Variants in ZFHX3 observed in about 807,000 individuals in gnomAD.
ZFHX3 encodes zinc finger homeobox protein 3.
A neutral mutation model predicts 279.1 loss-of-function variants in ZFHX3; 42 were observed. The ratio of observed to expected loss-of-function variants is 0.15; its 90% CI spans 0.12 to 0.19. The LOEUF is 0.19. ZFHX3 is among the 10% of genes least tolerant of loss of function. The pLI, the probability that ZFHX3 is intolerant of heterozygous loss-of-function variation, is 1.00. For missense variants in ZFHX3, 4,981 were observed against 4,754.0 expected, an observed-to-expected ratio of 1.05 and a Z score of -1.40; for synonymous variants, 2,293 against 1,957.8, an observed-to-expected ratio of 1.17 and a Z score of -4.52.
intron 1 of ZFHX3, among the ~76,000 whole-genome samples, chr16:73,804,652 T>C (rs1960226019): frequency 6.6e-6 from 1 of 152,044 alleles, no homozygotes; most frequent in African/African-American, 2.4e-5. Flanking sequence ...TCATGGCAAA[T>C]ATGAGTCTTT....
At chr16:73,370,720 G>A (rs942976273) in intron 3 of ZFHX3, among the ~76,000 whole-genome samples, 1 of 152,198 alleles carries the variant, frequency 6.6e-6, no homozygotes, top group Non-Finnish European at 1.5e-5. Context: ...TCAGCATCCT[G>A]ATCCAATCAA....
chr16:73,104,241 T>C (rs980239749), intron 7 of ZFHX3, among the ~76,000 whole-genome samples: 2 of 152,040 alleles, frequency 1.3e-5, no homozygotes, highest in African/African-American at 4.8e-5. Flanking sequence ...ATTTATTTTA[T>C]TTTTTCTGAG....
intron 5 of ZFHX3, among the ~76,000 whole-genome samples, chr16:73,238,795 C>T (rs1465002741): frequency 2.0e-5 from 3 of 152,130 alleles, no homozygotes; most frequent in Non-Finnish European, 2.9e-5. Context: ...TAAAATGCCC[C>T]ATAACTCTTT....
chr16:73,273,447 G>A (rs1392450803), intron 4 of ZFHX3, among the ~76,000 whole-genome samples: 1 of 152,172 alleles, frequency 6.6e-6, no homozygotes, highest in African/African-American at 2.4e-5. Flanking sequence ...CCAGCTCCAT[G>A]TATCTGTTCA....
chr16:73,697,190 G>A (rs928477650), intron 1 of ZFHX3, among the ~76,000 whole-genome samples: 2 of 149,904 alleles, frequency 1.3e-5, no homozygotes, highest in African/African-American at 4.9e-5. Context: ...ATGGCATTAG[G>A]AAAACATCTA....
chr16:73,622,979 T>C (rs541461072), intron 2 of ZFHX3, among the ~76,000 whole-genome samples: 3 of 152,274 alleles, frequency 2.0e-5, no homozygotes, highest in African/African-American at 4.8e-5. Context: ...TCGTCCAAAA[T>C]GTGAGGCGAT....
At chr16:73,739,137 CA>C (rs2053632579) in intron 1 of ZFHX3, among the ~76,000 whole-genome samples, 1 of 152,206 alleles carries the variant, frequency 6.6e-6, no homozygotes, top group South Asian at 2.1e-4. Flanking sequence ...AATGCCTAGA[CA>C]ACTAAATCTC....
chr16:73,225,611 A>T (rs914061410), intron 5 of ZFHX3, among the ~76,000 whole-genome samples: 43 of 152,286 alleles, frequency 2.8e-4, no homozygotes, highest in African/African-American at 1.0e-3. Context: ...TAAAAAAATA[A>T]AAAAATTGAA....
intron 4 of ZFHX3, among the ~76,000 whole-genome samples, chr16:72,861,820 G>T (rs895794008): frequency 1.3e-5 from 2 of 152,120 alleles, no homozygotes; most frequent in Non-Finnish European, 2.9e-5. Context: ...TTCAAGACCA[G>T]TCTGGCCAAC....
intron 1 of ZFHX3, among the ~76,000 whole-genome samples, chr16:73,823,137 C>A (rs184969913): frequency 6.6e-6 from 1 of 152,024 alleles, no homozygotes; most frequent in African/African-American, 2.4e-5. Context: ...AGGTCTACGA[C>A]GTATATGAAG....
intron 2 of ZFHX3, among the ~76,000 whole-genome samples, chr16:73,613,448 TTG>T (rs2052267569): frequency 6.6e-6 from 1 of 151,458 alleles, no homozygotes; most frequent in Non-Finnish European, 1.5e-5. Context: ...CTTTTTTTGT[TTG>T]TTTGTTTTTT....
At chr16:73,156,580 G>A (rs534264258) in intron 5 of ZFHX3, among the ~76,000 whole-genome samples, 1 of 152,266 alleles carries the variant, frequency 6.6e-6, no homozygotes, top group African/African-American at 2.4e-5. Flanking sequence ...TTTTTAGACA[G>A]GGTCTCACTC....
intron 2 of ZFHX3, among the ~76,000 whole-genome samples, chr16:73,489,922 G>T (rs890961804): frequency 7.9e-5 from 12 of 152,094 alleles, no homozygotes; most frequent in Middle Eastern, 3.4e-3. Context: ...TGTCTGAACT[G>T]CACTTCAATA....
chr16:73,159,611 C>G (rs1422655623), intron 5 of ZFHX3, among the ~76,000 whole-genome samples: 1 of 152,162 alleles, frequency 6.6e-6, no homozygotes, highest in African/African-American at 2.4e-5. Flanking sequence ...CCAACTCAGA[C>G]TCGGAGAATG....
At chr16:73,512,214 G>T (rs902125535) in intron 2 of ZFHX3, among the ~76,000 whole-genome samples, 1 of 146,988 alleles carries the variant, frequency 6.8e-6, no homozygotes, top group African/African-American at 2.6e-5. Context: ...TGGATCACAA[G>T]GTCAGGAGGT....
At chr16:73,550,281 C>A (rs1230736898) in intron 2 of ZFHX3, among the ~76,000 whole-genome samples, 1 of 152,166 alleles carries the variant, frequency 6.6e-6, no homozygotes, top group Non-Finnish European at 1.5e-5. Flanking sequence ...TTAAACCAGT[C>A]CACTCCGTTA....
At chr16:73,632,307 A>C (rs1320047505) in intron 2 of ZFHX3, among the ~76,000 whole-genome samples, 1 of 152,126 alleles carries the variant, frequency 6.6e-6, no homozygotes, top group Non-Finnish European at 1.5e-5. Context: ...ATCAAAGCTC[A>C]CTCTTGCCCC....
chr16:73,346,792 G>C (rs2016132524), intron 3 of ZFHX3, among the ~76,000 whole-genome samples: 1 of 152,166 alleles, frequency 6.6e-6, no homozygotes, highest in Non-Finnish European at 1.5e-5. Context: ...TTTGGACACT[G>C]AGAATGGGGA....
At position 72,785,975 on chromosome 16, in the gene ZFHX3, T is replaced by C. The variant is rs541140272; in HGVS notation, c.*1189A>G. ...ACCCCTAGAATCCCTTGAAATTCTT[T>C]CTTTAGTTTTATAAAATAATTCTGC... On this transcript the variant is annotated 3_prime_UTR_variant, in exon 10 of 10. Transcript: ENST00000268489. 6.6e-6 allele frequency: 1 copy of C among 152,230 alleles called. No homozygotes were observed. The highest frequency in any genetic ancestry group is 2.4e-5 in the African/African-American group (1 of 41,458). 9.4% of individuals were successfully genotyped at this position (152,230 alleles called of 1,614,324 possible). A position where few individuals can be genotyped will look rare whatever the true frequency, so the allele number is the denominator to read the frequency against.
Sources: gnomAD v4.1 joint callset for allele counts (sites outside exome capture counted in the v4.1 genomes callset) on GRCh38, gnomAD v4.1.1 for gene constraint, MANE v1.5 for transcripts, NCBI Gene and HGNC (gene_info 2026-07-23, HGNC 2026-07-21) for gene names.